The following SPDYE21 variants were observed in gnomAD, a reference collection of about 807,000 sequenced individuals.
The protein encoded by SPDYE21 is speedy/RINGO cell cycle regulator family member E21.
A neutral mutation model predicts 36.2 loss-of-function variants in SPDYE21; 14 were observed. That is an observed-to-expected ratio of 0.39 (90% CI 0.26 to 0.61). The LOEUF (loss-of-function observed/expected upper bound fraction) is 0.61, where lower values mean the gene tolerates loss of function less well. Ranked by LOEUF, SPDYE21 falls within the 20% of genes least tolerant of loss-of-function variation. The pLI is 0.55. For missense variants in SPDYE21, 233 were observed against 424.6 expected (o/e 0.55, Z 3.97); for synonymous variants, 58 against 155.1 (o/e 0.37, Z 4.65).
rs531364154 is a variant in SPDYE21 at position 67,284,248 on chromosome 7, A to C, written c.755+250A>C. Among the ~76,000 whole-genome samples, 477 of 150,834 alleles carry C rather than the reference A, an allele frequency of 3.2e-3. 4 individuals carry two copies. The highest frequency in any genetic ancestry group is 0.011 in the African/African-American group (441 of 41,150). ...CAGATTACCTGAGGTCAGCAGTTCG[A>C]GACCAGCCTGGCCAACATGGCCAAA... On this transcript the variant is annotated intron_variant, in intron 6 of 8. Transcript: ENST00000424157.
Position 67,277,009 on chromosome 7 carries a change from G to A in SPDYE21, c.-476G>A, listed in dbSNP as rs570877576. Among the ~76,000 whole-genome samples, 47 of 152,196 alleles carry A rather than the reference G, an allele frequency of 3.1e-4. No individual in the cohort carries two copies. The highest frequency in any genetic ancestry group is 1.1e-3 in the African/African-American group (47 of 41,522). ...GTGTGTGCCTTTTCTATGAGCGAGA[G>A]ACTCCTAGGAAAGCAGCAGCCCATT... On this transcript the variant is annotated 5_prime_UTR_variant, in exon 1 of 9. Transcript: ENST00000424157.
intron 5 of SPDYE21, 36 bp from the exon 6 acceptor site, chr7:67,283,877 G>A: frequency 9.3e-7 from 1 of 1,072,620 alleles, no homozygotes; most frequent in Non-Finnish European, 1.4e-6. Context: ...TCCAAGATGT[G>A]ACCTCTCCCT....
chr7:67,278,886 G>A lies in SPDYE21; in HGVS notation c.160+13G>A, dbSNP rs1429844964. On this transcript the variant is annotated intron_variant, in intron 2 of 8. Coordinates refer to ENST00000424157, the MANE Select transcript of SPDYE21 (RefSeq NM_001382715.2). ...TTGGGACCATCAGGTGAGGGGACTG[G>A]TGGAAGAAGAGGTGGGATAGGATTG... 2.0e-5 allele frequency among the ~76,000 whole-genome samples: 3 copies of A among 150,938 alleles called. No homozygotes were observed. Among genetic ancestry groups the A allele is most frequent in the African/African-American group, 7.3e-5 (3 of 41,260 alleles).
intron 5 of SPDYE21, among the ~76,000 whole-genome samples, chr7:67,283,471 A>G (rs553677378): frequency 6.6e-6 from 1 of 152,082 alleles, no homozygotes; most frequent in East Asian, 1.9e-4. Flanking sequence ...CATCTCCCTC[A>G]GGATTCTGCT....
Position 67,279,942 on chromosome 7 carries a change from A to G in SPDYE21, c.285A>G (p.Val95=), listed in dbSNP as rs1802603353. 3 of 1,588,694 alleles carry G rather than the reference A, an allele frequency of 1.9e-6. No individual in the cohort carries two copies. Among genetic ancestry groups the G allele is most frequent in the African/African-American group, 2.8e-5 (2 of 71,364 alleles). Residue 95 remains valine, a synonymous_variant, in exon 3 of 9, where the codon GTA becomes GTG. Transcript: ENST00000424157. ...CCCCTGAGCCTGAGGAGACCTGGGT[A>G]GTGGAGACGCTGTGTGGGCTTAAGA... ...ELAPEPEETW[V]VETLCGLKMK... is the part of the protein sequence containing the mutation.
At position 67,278,798 on chromosome 7, in the gene SPDYE21, G is replaced by T. The variant is rs1454270339; in HGVS notation, c.85G>T (p.Glu29Ter). 6.6e-6 allele frequency among the ~76,000 whole-genome samples: 1 copy of T among 152,036 alleles called. No individual in the cohort carries two copies. Among genetic ancestry groups the T allele is most frequent in the African/African-American group, 2.4e-5 (1 of 41,412 alleles). ...TTSRQLHPQN[E>*]QSPQRSTSGY... ...CAGCCGTCAACTGCACCCCCAGAAT[G>T]AGCAGAGTCCCCAGCGGAGCACCTC... Residue 29 changes from glutamate (E) to a stop codon, truncating the protein, a stop_gained, in exon 2 of 9, where the codon GAG (glutamate) becomes TAG (stop). Transcript: ENST00000424157. LOFTEE classifies it high-confidence loss of function.
At chr7:67,284,889 C>T (rs1380156483) in intron 6 of SPDYE21, among the ~76,000 whole-genome samples, 2 of 150,700 alleles carry the variant, frequency 1.3e-5, no homozygotes, top group African/African-American at 2.4e-5. Flanking sequence ...ACCCTCTCTA[C>T]AATCTCTACA....
At chr7:67,282,278 G>A (rs982713675) in intron 4 of SPDYE21, among the ~76,000 whole-genome samples, 1 of 152,082 alleles carries the variant, frequency 6.6e-6, no homozygotes, top group Non-Finnish European at 1.5e-5. Flanking sequence ...TCCATAGTGG[G>A]GGATCCCAAG....
rs1346721693 is a variant in SPDYE21, at chr7:67,286,049, T to C, written c.761T>C (p.Leu254Pro). The C allele has an allele frequency of 6.2e-6, 10 of 1,612,970 alleles. No individual in the cohort carries two copies. The East Asian group carries it at 1.1e-4, about 18-fold the overall frequency. ...AACCTGATTTCTATCCTCAGCTACC[T>C]GGCCAATGACATGGAGGAGGACGAC... ...QRIHFFLALY[L>P]ANDMEEDDED... Residue 254 changes from leucine (L) to proline (P), a missense_variant, in exon 7 of 9, where the codon CTG (leucine) becomes CCG (proline). By Grantham distance (98) the Leu-to-Pro change is moderately conservative. Coordinates refer to ENST00000424157, the MANE Select transcript of SPDYE21 (RefSeq NM_001382715.2).
rs1229049126 is a variant in SPDYE21 at position 67,283,188 on chromosome 7, C to T, written c.669+495C>T. ...TAGCTCTGCTCCCCAGGATGGAGTG[C>T]AGTGGCATGATCATAGCTCATTGCA... is the stretch of plus-strand genomic sequence containing the variant. On this transcript the variant is annotated intron_variant, in intron 5 of 8. Transcript: ENST00000424157. 2.7e-5 allele frequency among the ~76,000 whole-genome samples: 4 copies of T among 150,870 alleles called. No individual in the cohort carries two copies. In the East Asian group the frequency reaches 7.9e-4, roughly 30 times the overall value.
chr7:67,285,079 A>G (rs183589473), intron 6 of SPDYE21, among the ~76,000 whole-genome samples: 4,073 of 151,682 alleles, frequency 0.027, 86 homozygotes, highest in Admixed American at 0.043. Context: ...GCCTTCCCTC[A>G]TCTTCCAACT....
chr7:67,281,004 C>A (rs1401870207), intron 3 of SPDYE21, among the ~76,000 whole-genome samples: 1 of 144,236 alleles, frequency 6.9e-6, no homozygotes, highest in East Asian at 2.2e-4. Flanking sequence ...ATCACTGGAA[C>A]CCAGGAGGCG....
At chr7:67,281,944 C>T (rs1019987056) in intron 4 of SPDYE21, among the ~76,000 whole-genome samples, 9 of 152,058 alleles carry the variant, frequency 5.9e-5, no homozygotes, top group South Asian at 2.1e-4. Flanking sequence ...TGCACTCCAG[C>T]CTGGGTGACA....
chr7:67,282,899 C>T (rs1286597865), intron 5 of SPDYE21, among the ~76,000 whole-genome samples: 9 of 137,146 alleles, frequency 6.6e-5, no homozygotes, highest in South Asian at 2.6e-4. Flanking sequence ...CGATGCCTCC[C>T]GGGTTCAAGC....
At position 67,286,597 on chromosome 7, in the gene SPDYE21, G is replaced by A. The variant is rs555919502; in HGVS notation, c.1187G>A (p.Arg396Gln). Reference protein sequence around the residue: ...AYDPEHWVWARDRAHLS With the variant: ...AYDPEHWVWAQDRAHLS The stretch of plus-strand genomic sequence containing the variant: ...GACCCAGAGCACTGGGTGTGGGCAC[G>A]AGATCGCGCTCACCTTTCCTAGAGC... Residue 396 changes from arginine to glutamine, a missense_variant, in exon 8 of 9, where the codon CGA (arginine) becomes CAA (glutamine). By Grantham distance (43) the Arg-to-Gln change is conservative. Around this residue, in one of 4 missense-constraint regions of SPDYE21, gnomAD observed 139 missense variants for 175.8 expected, o/e 0.79. Transcript: ENST00000424157. 2.6e-5 allele frequency among the ~76,000 whole-genome samples: 4 copies of A among 152,120 alleles called. No individual in the cohort carries two copies. Among genetic ancestry groups the A allele is most frequent in the East Asian group, 3.9e-4 (2 of 5,168 alleles).
chr7:67,282,490 GAA>G (rs2116508864), intron 4 of SPDYE21, 143 bp from the exon 5 acceptor site: 3 of 672,220 alleles, frequency 4.5e-6, no homozygotes, highest in Admixed American at 2.2e-5. Context: ...CTTGCCCAGT[GAA>G]AGTCATTCTC....
rs1252950452 is a variant in SPDYE21 at position 67,288,950 on chromosome 7, G to T, written c.*1478G>T. On this transcript the variant is annotated 3_prime_UTR_variant, in exon 9 of 9. Coordinates refer to ENST00000424157, the MANE Select transcript of SPDYE21 (RefSeq NM_001382715.2). ...TGTTTTCAAGAGAACAATAGAGTGCGTCTCTTGGGGAAACATAATAAAAAT... is the reference window on the plus strand; with the variant it reads ...TGTTTTCAAGAGAACAATAGAGTGCTTCTCTTGGGGAAACATAATAAAAAT... 1.4e-5 allele frequency among the ~76,000 whole-genome samples: 2 copies of T among 145,924 alleles called. No homozygotes were observed. The highest frequency in any genetic ancestry group is 5.1e-5 in the African/African-American group (2 of 39,286).
intron 6 of SPDYE21, among the ~76,000 whole-genome samples, chr7:67,285,700 A>AT (rs578203260): frequency 1.3e-5 from 2 of 152,222 alleles, no homozygotes; most frequent in South Asian, 2.1e-4. Flanking sequence ...TATTTCTTAT[A>AT]TTTTTAATAG....
intron 4 of SPDYE21, among the ~76,000 whole-genome samples, chr7:67,281,972 A>G (rs1384483406): frequency 6.6e-5 from 10 of 152,014 alleles, no homozygotes; most frequent in Non-Finnish European, 1.5e-4. Flanking sequence ...ACCCTGTCTC[A>G]AAAGAAAAAC....
Sources: gnomAD v4.1 joint callset for allele counts (sites outside exome capture counted in the v4.1 genomes callset) on GRCh38, gnomAD v4.1.1 for gene constraint, gnomAD v4.1.1 regional missense constraint, MANE v1.5 for transcripts, NCBI Gene and HGNC (gene_info 2026-07-23, HGNC 2026-07-21) for gene names.